Variants in ALDH4A1 observed in about 807,000 individuals in gnomAD.
ALDH4A1 encodes aldehyde dehydrogenase 4 family member A1.
In ALDH4A1, 46 loss-of-function variants were observed where a neutral mutation model predicts 70.5. That is an observed-to-expected ratio of 0.65 (90% CI 0.51 to 0.83). The LOEUF is 0.83. Ranked by LOEUF, ALDH4A1 falls within the 40% of genes least tolerant of loss-of-function variation. The pLI is 0.00. For missense variants in ALDH4A1, 749 were observed against 766.5 expected (o/e 0.98, Z 0.27); for synonymous variants, 323 against 324.3 (o/e 1.00, Z 0.04).
chr1:18,885,755 C>T, intron 4 of ALDH4A1, 127 bp from the exon 5 acceptor site: 1 of 1,321,944 alleles, frequency 7.6e-7, no homozygotes, highest in African/African-American at 1.5e-5. Flanking sequence ...CTCCCTGGGC[C>T]CTCAGCCCCC....
At position 18,883,215 on chromosome 1, in the gene ALDH4A1, C is replaced by T. The variant is rs778369521; in HGVS notation, c.604-17G>A. 7.6e-5 allele frequency: 123 copies of T among 1,613,028 alleles called. No homozygotes were observed. The East Asian group carries it at 1.8e-3, about 23-fold the overall frequency. On this transcript the variant is annotated splice_polypyrimidine_tract_variant and intron_variant, in intron 6 of 14. Transcript: ENST00000375341. ...CACGAAGCCCTGGGGAAGGAGGCAG[C>T]GGTGAGATCAGGCCCATGGCATTGG... is the stretch of plus-strand genomic sequence containing the variant.
At position 18,881,742 on chromosome 1, in the gene ALDH4A1, C is replaced by G; in HGVS notation, c.824G>C (p.Ser275Thr). The G allele has an allele frequency of 6.2e-7, 1 of 1,614,104 alleles. No individual in the cohort carries two copies. The highest frequency in any genetic ancestry group is 8.5e-7 in the Non-Finnish European group (1 of 1,180,036). ...GTTGATGCCACAGAGGTGCTCTGAG[C>G]TGGTGACAGTGTCCCCAAATAGGGG... ...DGPLFGDTVTSSEHLCGINFT... is the reference protein window; with the variant it reads ...DGPLFGDTVTTSEHLCGINFT... The change falls in exon 8 of 15, where the codon AGC (serine) becomes ACC (threonine). Residue 275 changes from serine to threonine, a missense_variant. Coordinates refer to ENST00000375341, the MANE Select transcript of ALDH4A1 (RefSeq NM_003748.4).
At chr1:18,886,400 C>G in intron 4 of ALDH4A1, 64 bp downstream of exon 4, 1 of 1,553,254 alleles carries the variant, frequency 6.4e-7, no homozygotes, top group Non-Finnish European at 8.9e-7. Flanking sequence ...ATATCAGCAG[C>G]TGGCAGGGCA....
chr1:18,875,241 G>A, intron 13 of ALDH4A1, 141 bp downstream of exon 13: 1 of 1,400,670 alleles, frequency 7.1e-7, no homozygotes, highest in African/African-American at 1.4e-5. Context: ...GCGAGCCCTG[G>A]CTGCCTGTCT....
In ALDH4A1 at chr1:18,872,542, C is replaced by G. The variant is rs1934483996; in HGVS notation, c.*303G>C. The G allele has an allele frequency of 3.6e-6, 1 of 278,844 alleles. No homozygotes were observed. 17.3% of individuals were successfully genotyped at this position (278,844 alleles called of 1,614,324 possible). A position where few individuals can be genotyped will look rare whatever the true frequency, so the allele number is the denominator to read the frequency against. On this transcript the variant is annotated 3_prime_UTR_variant, in exon 15 of 15. Coordinates refer to ENST00000375341, the MANE Select transcript of ALDH4A1 (RefSeq NM_003748.4). Reference sequence around the variant, plus strand: ...CCCAAGAGCTGCTCCATCTCCTTTCCCCAGGTCCCTGAGCCACTGGGCCCA... The same window carrying G: ...CCCAAGAGCTGCTCCATCTCCTTTCGCCAGGTCCCTGAGCCACTGGGCCCA...
chr1:18,877,999 C>T (rs573917008), intron 9 of ALDH4A1, among the ~76,000 whole-genome samples: 4 of 152,234 alleles, frequency 2.6e-5, no homozygotes, highest in Admixed American at 6.5e-5. Flanking sequence ...CCTGAGCCCT[C>T]GTCCACGAGG....
rs780508077 is a variant in ALDH4A1, at chr1:18,889,387, G to C, written c.224C>G (p.Thr75Arg). 4 of 1,552,736 alleles carry C rather than the reference G, an allele frequency of 2.6e-6. No individual in the cohort carries two copies. Among genetic ancestry groups the C allele is most frequent in the East Asian group, 2.4e-5 (1 of 40,950 alleles). ...PCVVGDEEVW[T>R]SDVQYQVSPF... ...CGACACTTGGTACTGCACGTCCGAC[G>C]TCCACACCTCCTCATCCCCCACCAC... Residue 75 changes from threonine to arginine, a missense_variant, in exon 3 of 15, where the codon ACG becomes AGG. Coordinates refer to ENST00000375341, the MANE Select transcript of ALDH4A1 (RefSeq NM_003748.4).
At chr1:18,893,382 T>C (rs1935508904) in intron 1 of ALDH4A1, among the ~76,000 whole-genome samples, 1 of 152,186 alleles carries the variant, frequency 6.6e-6, no homozygotes, top group African/African-American at 2.4e-5. Context: ...AGTCATGCCC[T>C]TTGCATCCAC....
At chr1:18,897,124 CTT>C (rs1178036410) in intron 1 of ALDH4A1, 1 of 528,910 alleles carries the variant, frequency 1.9e-6, no homozygotes, top group African/African-American at 1.9e-5. Flanking sequence ...AAATCTGAAA[CTT>C]TTTGAGTGTC....
chr1:18,896,928 G>A (rs560365660), intron 1 of ALDH4A1: 33 of 355,974 alleles, frequency 9.3e-5, no homozygotes, highest in Admixed American at 3.7e-4. Flanking sequence ...CCAATGCCAG[G>A]GATGAGCTGC....
chr1:18,877,720 C>T (rs981798567), intron 9 of ALDH4A1, 108 bp from the exon 10 acceptor site: 4 of 1,352,498 alleles, frequency 3.0e-6, no homozygotes, highest in South Asian at 1.3e-5. Flanking sequence ...AACACGAGCA[C>T]GGAGCAGCCC....
intron 1 of ALDH4A1, among the ~76,000 whole-genome samples, chr1:18,893,970 A>G (rs1429808643): frequency 2.0e-5 from 3 of 152,234 alleles, no homozygotes; most frequent in African/African-American, 2.4e-5. Flanking sequence ...GAGCTCGAAT[A>G]AACTACTTAA....
Position 18,881,744 on chromosome 1 carries a change from G to C in ALDH4A1, c.822C>G (p.Thr274=), listed in dbSNP as rs2100571488. 6.2e-7 allele frequency: 1 copy of C among 1,614,092 alleles called. No individual in the cohort carries two copies. The highest frequency in any genetic ancestry group is 1.7e-5 in the Admixed American group (1 of 60,022). ...ADGPLFGDTV[T]SSEHLCGINF... ...TGATGCCACAGAGGTGCTCTGAGCT[G>C]GTGACAGTGTCCCCAAATAGGGGCC... The change falls in exon 8 of 15, where the codon ACC becomes ACG. Residue 274 remains threonine (T), a synonymous_variant. Transcript: ENST00000375341.
In ALDH4A1 at chr1:18,883,125, A is replaced by C; in HGVS notation, c.677T>G (p.Met226Arg). Residue 226 changes from methionine to arginine, a missense_variant and splice_region_variant, in exon 7 of 15, where the codon ATG (methionine) becomes AGG (arginine). By Grantham distance (91) the Met-to-Arg change is moderately conservative. Coordinates refer to ENST00000375341, the MANE Select transcript of ALDH4A1 (RefSeq NM_003748.4). ...GTCCCACCTGTGCCCACATCTCACCATCAGGGCCGGTGCCCCCGCCAGGTT... is the reference window on the plus strand; with the variant it reads ...GTCCCACCTGTGCCCACATCTCACCCTCAGGGCCGGTGCCCCCGCCAGGTT... ...GGNLAGAPAL[M>R]GNVVLWKPSD... 6.2e-7 allele frequency: 1 copy of C among 1,613,128 alleles called. No homozygotes were observed. Among genetic ancestry groups the C allele is most frequent in the Non-Finnish European group, 8.5e-7 (1 of 1,180,018 alleles).
intron 1 of ALDH4A1, among the ~76,000 whole-genome samples, chr1:18,897,856 C>G (rs1042541473): frequency 1.3e-5 from 2 of 152,196 alleles, no homozygotes; most frequent in African/African-American, 4.8e-5. Flanking sequence ...CCAAGGTGGG[C>G]AGTGACTTGC....
Position 18,877,513 on chromosome 1 carries a change from T to C in ALDH4A1, c.1040A>G (p.Lys347Arg), listed in dbSNP as rs746571941. Residue 347 changes from lysine to arginine, a missense_variant, in exon 10 of 15, where the codon AAG (lysine) becomes AGG (arginine). Lys to Arg is a conservative substitution (Grantham distance 26). Coordinates refer to ENST00000375341, the MANE Select transcript of ALDH4A1 (RefSeq NM_003748.4). ...LRSAFEYGGQKCSACSRLYVP... is the reference protein window; with the variant it reads ...LRSAFEYGGQRCSACSRLYVP... The stretch of plus-strand genomic sequence containing the variant: ...GTAGAGACGCGAGCACGCGGAACAC[T>C]TCTGGCCACCGTACTCGAAGGCTGA... 5.6e-6 allele frequency: 9 copies of C among 1,610,914 alleles called. No individual in the cohort carries two copies. The highest frequency in any genetic ancestry group is 8.5e-7 in the Non-Finnish European group (1 of 1,179,042).
chr1:18,884,257 G>A (rs1271507513), intron 5 of ALDH4A1, among the ~76,000 whole-genome samples: 2 of 152,218 alleles, frequency 1.3e-5, no homozygotes, highest in African/African-American at 2.4e-5. Context: ...GGGCTGCTGA[G>A]CCAATCTAAG....
chr1:18,893,680 T>A (rs2100603518), intron 1 of ALDH4A1, among the ~76,000 whole-genome samples: 1 of 152,212 alleles, frequency 6.6e-6, no homozygotes. Context: ...TTTTTTGTAT[T>A]TTTAGTAGAG....
chr1:18,872,607 T>G lies in ALDH4A1; in HGVS notation c.*238A>C. 2.3e-6 allele frequency: 1 copy of G among 437,094 alleles called. No individual in the cohort carries two copies. The highest frequency in any genetic ancestry group is 4.1e-6 in the Non-Finnish European group (1 of 241,950). 27.1% of individuals were successfully genotyped at this position (437,094 alleles called of 1,614,324 possible). On this transcript the variant is annotated 3_prime_UTR_variant, in exon 15 of 15. Coordinates refer to ENST00000375341, the MANE Select transcript of ALDH4A1 (RefSeq NM_003748.4). ...GAGAACCTGCCAGGCACCAGGGTCA[T>G]ACCTCCCACATGGCCGATGGGATAA...
Sources: gnomAD v4.1 joint callset for allele counts (sites outside exome capture counted in the v4.1 genomes callset) on GRCh38, gnomAD v4.1.1 for gene constraint, MANE v1.5 for transcripts, NCBI Gene and HGNC (gene_info 2026-07-23, HGNC 2026-07-21) for gene names.